Variants in RPGRIP1L observed in about 807,000 individuals in gnomAD.
The protein encoded by RPGRIP1L is protein fantom.
In RPGRIP1L, 131 loss-of-function variants were observed where a neutral mutation model predicts 160.4. The ratio of observed to expected loss-of-function variants is 0.82; its 90% CI spans 0.71 to 0.94. The LOEUF (loss-of-function observed/expected upper bound fraction) is 0.94, where lower values mean the gene tolerates loss of function less well. Ranked by LOEUF, RPGRIP1L falls within the 40% of genes least tolerant of loss-of-function variation. The pLI is 0.00. For synonymous variants in RPGRIP1L, 510 were observed against 515.8 expected (o/e 0.99, Z 0.15); for missense variants, 1,522 against 1,535.8 (o/e 0.99, Z 0.15).
At chr16:53,618,941 A>C in intron 24 of RPGRIP1L, 84 bp downstream of exon 24, 1 of 1,135,386 alleles carries the variant, frequency 8.8e-7, no homozygotes. Flanking sequence ...TTAGAGAAAT[A>C]AACTTTCTCT....
chr16:53,696,644 A>G (rs184721112), intron 2 of RPGRIP1L, among the ~76,000 whole-genome samples: 1 of 152,332 alleles, frequency 6.6e-6, no homozygotes, highest in East Asian at 1.9e-4. Flanking sequence ...AGAGTATCCG[A>G]AGCTTATTTT....
In RPGRIP1L at chr16:53,641,313, G is replaced by A; in HGVS notation, c.2846C>T (p.Pro949Leu). ...AACTAGTGTGCTAACAGAGGATGCT[G>A]GAGGAAGTCTTTGAACAACTTCTGG... Reference protein sequence around the residue: ...EEPEVVQRLPPASSVSTLVLA... With the variant: ...EEPEVVQRLPLASSVSTLVLA... The change falls in exon 18 of 27, where the codon CCA (proline) becomes CTA (leucine). Residue 949 changes from proline to leucine, a missense_variant. Coordinates refer to ENST00000647211, the MANE Select transcript of RPGRIP1L (RefSeq NM_015272.5). 1 of 1,613,980 alleles carries A rather than the reference G, an allele frequency of 6.2e-7. No homozygotes were observed. Among genetic ancestry groups the A allele is most frequent in the Non-Finnish European group, 8.5e-7 (1 of 1,179,952 alleles).
At chr16:53,644,804 C>T (rs141529678) in intron 17 of RPGRIP1L, among the ~76,000 whole-genome samples, 54 of 152,244 alleles carry the variant, frequency 3.5e-4, no homozygotes, top group African/African-American at 1.3e-3. Context: ...GAATTCACTA[C>T]CAGTAGACCT....
At chr16:53,662,770 A>G (rs1282536326) in intron 10 of RPGRIP1L, among the ~76,000 whole-genome samples, 1 of 152,060 alleles carries the variant, frequency 6.6e-6, no homozygotes. Context: ...AACAAAAATA[A>G]CTGGAAAGTA....
rs184706391 is a variant in RPGRIP1L at position 53,658,178 on chromosome 16, T to C, written c.1401+236A>G. Among the ~76,000 whole-genome samples the C allele has an allele frequency of 1.3e-4, 20 of 152,304 alleles. No homozygotes were observed. In the East Asian group the frequency reaches 3.3e-3, roughly 25 times the overall value. Reference sequence around the variant, plus strand: ...TGAGAGTTTTTGAGGTCTGGTTTAATGTAACTTTGATGTCATTATGAAATA... The same window carrying C: ...TGAGAGTTTTTGAGGTCTGGTTTAACGTAACTTTGATGTCATTATGAAATA... On this transcript the variant is annotated intron_variant, in intron 12 of 26. Transcript: ENST00000647211.
chr16:53,698,745 C>T (rs1436407005), intron 2 of RPGRIP1L, among the ~76,000 whole-genome samples: 17 of 149,562 alleles, frequency 1.1e-4, no homozygotes, highest in African/African-American at 4.0e-4. Flanking sequence ...CCCGGCCAGC[C>T]GCCCCGTCTG....
chr16:53,626,734 G>A lies in RPGRIP1L; in HGVS notation c.3295-4378C>T, dbSNP rs182389258. On this transcript the variant is annotated intron_variant, in intron 22 of 26. Transcript: ENST00000647211. ...GCAGGAGAATCGCTTGAACATGGGAGGCAGAGGTTTCAGTGAGGTGAGACT... is the reference window on the plus strand; with the variant it reads ...GCAGGAGAATCGCTTGAACATGGGAAGCAGAGGTTTCAGTGAGGTGAGACT... Among the ~76,000 whole-genome samples, 3 of 151,486 alleles carry A rather than the reference G, an allele frequency of 2.0e-5. No individual in the cohort carries two copies. The East Asian group carries it at 5.8e-4, about 29-fold the overall frequency.
chr16:53,691,063 C>A (rs540806145), intron 4 of RPGRIP1L, among the ~76,000 whole-genome samples: 1 of 151,408 alleles, frequency 6.6e-6, no homozygotes, highest in African/African-American at 2.4e-5. Flanking sequence ...GCTTCAAGAG[C>A]GAACTACAAC....
intron 6 of RPGRIP1L, among the ~76,000 whole-genome samples, chr16:53,682,257 T>C (rs925175327): frequency 2.1e-4 from 32 of 152,284 alleles, no homozygotes; most frequent in African/African-American, 7.7e-4. Context: ...GTCTCTGCAA[T>C]AAAAGTTCCT....
At chr16:53,685,176 C>T (rs998359157) in intron 6 of RPGRIP1L, among the ~76,000 whole-genome samples, 3 of 152,052 alleles carry the variant, frequency 2.0e-5, no homozygotes. Context: ...TACCATCTCA[C>T]ACCAGTGAGA....
Position 53,686,566 on chromosome 16 carries a change from T to C in RPGRIP1L, c.643A>G (p.Ile215Val), listed in dbSNP as rs930198445. The C allele has an allele frequency of 9.3e-6, 15 of 1,613,464 alleles. No homozygotes were observed. The highest frequency in any genetic ancestry group is 5.0e-5 in the Admixed American group (3 of 59,954). Residue 215 changes from isoleucine to valine, a missense_variant, in exon 6 of 27, where the codon ATT becomes GTT. Transcript: ENST00000647211. ...TCTATCTGGCCTCTTTGTGACTGAA[T>C]AACGTTTTCTCTGAAATAAAGAGCC... ...RGEIRNLENV[I>V]QSQRGQIEEL...
intron 22 of RPGRIP1L, among the ~76,000 whole-genome samples, chr16:53,623,336 T>C (rs1263848499): frequency 3.3e-5 from 5 of 152,176 alleles, no homozygotes; most frequent in Non-Finnish European, 5.9e-5. Context: ...GATTGCTCAT[T>C]GCGTTATGTA....
At chr16:53,645,506 A>C (rs1301291699) in intron 17 of RPGRIP1L, 119 bp downstream of exon 17, 2 of 898,028 alleles carry the variant, frequency 2.2e-6, no homozygotes, top group Non-Finnish European at 3.3e-6. Flanking sequence ...ATATAGGCCT[A>C]AAGTTTAAAG....
chr16:53,698,924 A>C (rs946253742), intron 2 of RPGRIP1L, among the ~76,000 whole-genome samples: 4 of 152,176 alleles, frequency 2.6e-5, no homozygotes, highest in Non-Finnish European at 4.4e-5. Flanking sequence ...CATGATGACA[A>C]TGGTGGTTTT....
chr16:53,692,178 T>G lies in RPGRIP1L; in HGVS notation c.417A>C (p.Gln139His). 1.9e-6 allele frequency: 3 copies of G among 1,614,196 alleles called. No individual in the cohort carries two copies. Among genetic ancestry groups the G allele is most frequent in the Non-Finnish European group, 2.5e-6 (3 of 1,180,040 alleles). Residue 139 changes from glutamine (Q) to histidine (H), a missense_variant, in exon 4 of 27, where the codon CAA (glutamine) becomes CAC (histidine). Coordinates refer to ENST00000647211, the MANE Select transcript of RPGRIP1L (RefSeq NM_015272.5). ...LKNRLISAKQ[Q>H]LQTQGYRQTP... ...TTTGCCTGTAACCCTGGGTTTGAAG[T>G]TGCTGTTTGGCTGAAATCAGTCTGT...
intron 15 of RPGRIP1L, among the ~76,000 whole-genome samples, chr16:53,652,098 G>C (rs1399601900): frequency 6.6e-6 from 1 of 151,908 alleles, no homozygotes; most frequent in Non-Finnish European, 1.5e-5. Flanking sequence ...TGAGATGGAA[G>C]AGCGAAAGCT....
chr16:53,680,384 G>A lies in RPGRIP1L; in HGVS notation c.777-5262C>T, dbSNP rs186557018. Among the ~76,000 whole-genome samples the A allele has an allele frequency of 6.9e-4, 105 of 152,074 alleles. No individual in the cohort carries two copies. The East Asian group carries it at 0.014, about 21-fold the overall frequency. On this transcript the variant is annotated intron_variant, in intron 6 of 26. Transcript: ENST00000647211. ...ACCAGATGTGCCCTTTAAATTAGGG[G>A]GTTGGGCAATCAGGCAAATCCAAAC...
intron 2 of RPGRIP1L, among the ~76,000 whole-genome samples, chr16:53,697,687 G>A (rs1216619348): frequency 1.1e-4 from 16 of 152,270 alleles, no homozygotes; most frequent in African/African-American, 3.9e-4. Context: ...AGGCTGGAGT[G>A]CAGTGGCGTG....
chr16:53,685,499 A>G (rs1158882736), intron 6 of RPGRIP1L, among the ~76,000 whole-genome samples: 1 of 152,266 alleles, frequency 6.6e-6, no homozygotes, highest in Non-Finnish European at 1.5e-5. Context: ...TGTGGTACAT[A>G]CATACCATGG....
Sources: gnomAD v4.1 joint callset for allele counts (sites outside exome capture counted in the v4.1 genomes callset) on GRCh38, gnomAD v4.1.1 for gene constraint, MANE v1.5 for transcripts, NCBI Gene and HGNC (gene_info 2026-07-23, HGNC 2026-07-21) for gene names.